ACACA: variants seen among roughly 807,000 people sequenced by gnomAD.
The protein encoded by ACACA is acetyl-CoA carboxylase alpha.
A neutral mutation model predicts 296.1 loss-of-function variants in ACACA; 103 were observed. The ratio of observed to expected loss-of-function variants is 0.35; its 90% CI spans 0.30 to 0.41. The LOEUF is 0.41. ACACA is among the 10% of genes least tolerant of loss of function. ACACA has a pLI of 1.00. For missense variants in ACACA, 1,554 were observed against 2,989.7 expected (o/e 0.52, Z 11.20); for synonymous variants, 953 against 1,038.6 (o/e 0.92, Z 1.58).
intron 5 of ACACA, 110 bp downstream of exon 5, chr17:37,283,156 TG>T: frequency 7.7e-7 from 1 of 1,302,154 alleles, no homozygotes; most frequent in South Asian, 1.2e-5. Context: ...GGATTTTACT[TG>T]GAAGTCCTAT....
chr17:37,094,720 G>C (rs1597797537), intron 54 of ACACA, among the ~76,000 whole-genome samples: 1 of 152,198 alleles, frequency 6.6e-6, no homozygotes, highest in Non-Finnish European at 1.5e-5. Flanking sequence ...GTCCTGCTGA[G>C]CCTGCCGAAT....
intron 1 of ACACA, among the ~76,000 whole-genome samples, chr17:37,394,641 C>T (rs1038676638): frequency 9.3e-5 from 14 of 150,810 alleles, no homozygotes; most frequent in Non-Finnish European, 2.1e-4. Flanking sequence ...CTTTGGGAGG[C>T]CGAGGCAGGC....
intron 3 of ACACA, among the ~76,000 whole-genome samples, chr17:37,321,718 A>G (rs2047365190): frequency 2.0e-5 from 3 of 152,062 alleles, no homozygotes; most frequent in African/African-American, 7.2e-5. Flanking sequence ...ACTGCCCTCC[A>G]GCCTGGGCGA....
intron 11 of ACACA, 125 bp from the exon 12 acceptor site, chr17:37,259,655 G>A (rs2081357770): frequency 2.0e-6 from 2 of 988,774 alleles, no homozygotes; most frequent in Non-Finnish European, 3.2e-6. Context: ...AGCCACATGA[G>A]AGCACATTTC....
intron 52 of ACACA, among the ~76,000 whole-genome samples, chr17:37,102,100 A>G (rs1010587132): frequency 2.3e-4 from 35 of 152,004 alleles, no homozygotes; most frequent in African/African-American, 6.8e-4. Flanking sequence ...ATGATCTCCA[A>G]TCCTTAGGAC....
chr17:37,302,429 C>T (rs899868429), intron 3 of ACACA, among the ~76,000 whole-genome samples: 6 of 152,020 alleles, frequency 3.9e-5, no homozygotes, highest in African/African-American at 9.7e-5. Context: ...AGACTGGTCT[C>T]GAACTCCTGA....
chr17:37,116,672 A>G (rs575711252), intron 50 of ACACA, among the ~76,000 whole-genome samples: 1 of 152,180 alleles, frequency 6.6e-6, no homozygotes, highest in Non-Finnish European at 1.5e-5. Context: ...ATATAAACAA[A>G]CACACAAATA....
chr17:37,178,852 A>T (rs2077216198), intron 41 of ACACA, among the ~76,000 whole-genome samples: 1 of 152,064 alleles, frequency 6.6e-6, no homozygotes, highest in African/African-American at 2.4e-5. Context: ...ACATAGACAA[A>T]AACAGGGAAA....
intron 1 of ACACA, chr17:37,360,350 A>C (rs1263674434): frequency 6.6e-6 from 1 of 152,202 alleles, no homozygotes; most frequent in African/African-American, 2.4e-5. Context: ...AAAAGTGAAT[A>C]GGATAGAAAT....
rs1333770912 is a variant in ACACA at position 37,330,359 on chromosome 17, T to G, written c.152A>C (p.Asn51Thr). 6.2e-7 allele frequency: 1 copy of G among 1,614,092 alleles called. No homozygotes were observed. The highest frequency in any genetic ancestry group is 1.3e-5 in the African/African-American group (1 of 74,926). Residue 51 changes from asparagine (N) to threonine (T), a missense_variant, in exon 3 of 56, where the codon AAC (asparagine) becomes ACC (threonine). Coordinates refer to ENST00000616317, the MANE Select transcript of ACACA (RefSeq NM_198834.3). ...PSPLAQPLEL[N>T]QHSRFIIGSV... ...ACCTATTATGAATCGAGAGTGCTGG[T>G]TCAGCTCCAGAGGTTGGGCCAAGGG...
At chr17:37,335,935 G>T (rs2048097854) in intron 2 of ACACA, among the ~76,000 whole-genome samples, 1 of 152,004 alleles carries the variant, frequency 6.6e-6, no homozygotes, top group Non-Finnish European at 1.5e-5. Flanking sequence ...AGAAATTCAA[G>T]GTCGAATATA....
intron 1 of ACACA, chr17:37,367,618 T>G (rs1406388523): frequency 6.6e-6 from 1 of 152,212 alleles, no homozygotes; most frequent in Non-Finnish European, 1.5e-5. Context: ...TTGGATTAAA[T>G]GATGTAACCA....
At chr17:37,283,916 A>C (rs2082657865) in intron 4 of ACACA, among the ~76,000 whole-genome samples, 1 of 152,220 alleles carries the variant, frequency 6.6e-6, no homozygotes. Flanking sequence ...AAGAATGGTC[A>C]CTGTTGTAGA....
At chr17:37,366,786 A>T (rs1330574079) in intron 1 of ACACA, among the ~76,000 whole-genome samples, 2 of 113,958 alleles carry the variant, frequency 1.8e-5, no homozygotes, top group African/African-American at 1.8e-4. Context: ...CGTCTTTTTA[A>T]AAAAAAAATC....
chr17:37,089,796 C>T (rs551331800), intron 54 of ACACA, among the ~76,000 whole-genome samples: 1 of 152,316 alleles, frequency 6.6e-6, no homozygotes, highest in Non-Finnish European at 1.5e-5. Context: ...TGGTTGACTA[C>T]ATAATAATTC....
chr17:37,397,774 C>A (rs1289047584), intron 1 of ACACA, among the ~76,000 whole-genome samples: 2 of 152,146 alleles, frequency 1.3e-5, no homozygotes, highest in Non-Finnish European at 2.9e-5. Flanking sequence ...TCCAAAAAGT[C>A]TTTCCTTTAC....
At chr17:37,173,117 T>A (rs781337899) in intron 41 of ACACA, among the ~76,000 whole-genome samples, 8 of 152,154 alleles carry the variant, frequency 5.3e-5, no homozygotes, top group Non-Finnish European at 8.8e-5. Context: ...TAAAACAATT[T>A]AAAAAATCTA....
chr17:37,137,035 A>C (rs1567707725), intron 45 of ACACA, among the ~76,000 whole-genome samples: 1 of 152,118 alleles, frequency 6.6e-6, no homozygotes, highest in Non-Finnish European at 1.5e-5. Context: ...CTAATGACTA[A>C]TGATAAGCAT....
At chr17:37,199,825 T>TAAA (rs10562354) in intron 35 of ACACA, among the ~76,000 whole-genome samples, 52 of 147,800 alleles carry the variant, frequency 3.5e-4, no homozygotes, top group African/African-American at 7.4e-4. Flanking sequence ...ATTATAGGGT[T>TAAA]AAAAAAAAAA....
Sources: allele counts gnomAD v4.1 joint callset (sites outside exome capture counted in the v4.1 genomes callset), GRCh38; gene constraint gnomAD v4.1.1; transcripts MANE v1.5; gene names NCBI Gene and HGNC (gene_info 2026-07-23, HGNC 2026-07-21).